Variants in EMSY observed in about 807,000 individuals in gnomAD.
EMSY encodes the protein EMSY transcriptional repressor, BRCA2 interacting, also known as BRCA2-interacting transcriptional repressor EMSY.
EMSY carries 26 observed loss-of-function variants against 134.6 expected under a neutral mutation model. That is an observed-to-expected ratio of 0.19 (90% confidence interval 0.14 to 0.27). EMSY has a LOEUF of 0.27. Among genes scored for constraint, EMSY ranks in the 10% least tolerant of loss-of-function variants. The pLI, the probability that EMSY is intolerant of heterozygous loss-of-function variation, is 1.00. For missense variants in EMSY, 1,305 were observed against 1,611.4 expected, an observed-to-expected ratio of 0.81 and a Z score of 3.26; for synonymous variants, 579 against 577.8, an observed-to-expected ratio of 1.00 and a Z score of -0.03.
chr11:76,525,553 A>T (rs1444277545), intron 12 of EMSY, among the ~76,000 whole-genome samples: 1 of 152,190 alleles, frequency 6.6e-6, no homozygotes, highest in Non-Finnish European at 1.5e-5. Context: ...AATTTTAAAA[A>T]TTTTAATAAT....
chr11:76,536,261 G>T (rs1370717966), intron 15 of EMSY, among the ~76,000 whole-genome samples: 1 of 152,000 alleles, frequency 6.6e-6, no homozygotes, highest in Non-Finnish European at 1.5e-5. Flanking sequence ...ATGTGCACAG[G>T]AATATTGAAG....
intron 16 of EMSY, 48 bp downstream of exon 17, chr11:76,537,998 C>G: frequency 6.9e-7 from 1 of 1,450,742 alleles, no homozygotes; most frequent in Non-Finnish European, 9.4e-7. Context: ...AACTACCTTC[C>G]TGGATTTCAT....
At chr11:76,490,549 A>G (rs1019411146) in intron 8 of EMSY, among the ~76,000 whole-genome samples, 10 of 152,202 alleles carry the variant, frequency 6.6e-5, no homozygotes, top group African/African-American at 2.2e-4. Context: ...TTGTGTTAGA[A>G]TCTTAAAAGA....
chr11:76,446,349 G>GTATA (rs10636663), intron 1 of EMSY, among the ~76,000 whole-genome samples: 2,261 of 130,308 alleles, frequency 0.017, 60 homozygotes, highest in African/African-American at 0.054. Flanking sequence ...ATATATATGT[G>GTATA]TATATATATA....
intron 18 of EMSY, among the ~76,000 whole-genome samples, chr11:76,543,998 G>A (rs1262416311): frequency 6.6e-6 from 1 of 152,146 alleles, no homozygotes; most frequent in South Asian, 2.1e-4. Flanking sequence ...TGCTTGCAGG[G>A]CCATCTTATT....
chr11:76,531,203 A>AT (rs2136430808), intron 14 of EMSY, among the ~76,000 whole-genome samples: 1 of 152,296 alleles, frequency 6.6e-6, no homozygotes, highest in African/African-American at 2.4e-5. Context: ...AGATACAGTT[A>AT]TCAAAGTCAA....
chr11:76,509,745 T>C (rs1351882900), intron 9 of EMSY, among the ~76,000 whole-genome samples: 1 of 152,228 alleles, frequency 6.6e-6, no homozygotes. Flanking sequence ...ATATTTAAAT[T>C]TTCTTGTATT....
At chr11:76,489,630 A>T (rs1949338390) in intron 8 of EMSY, among the ~76,000 whole-genome samples, 1 of 136,100 alleles carries the variant, frequency 7.3e-6, no homozygotes, top group African/African-American at 2.8e-5. Flanking sequence ...TTTGAGATGG[A>T]GTCTTGCTCT....
intron 2 of EMSY, among the ~76,000 whole-genome samples, chr11:76,450,998 T>C (rs375900072): frequency 6.6e-6 from 1 of 152,000 alleles, no homozygotes; most frequent in Admixed American, 6.5e-5. Context: ...AGTTTTGCCA[T>C]GTTGCCCAGA....
chr11:76,453,064 A>G (rs1461326974), intron 3 of EMSY, among the ~76,000 whole-genome samples: 1 of 152,206 alleles, frequency 6.6e-6, no homozygotes, highest in Non-Finnish European at 1.5e-5. Flanking sequence ...CCTTGATATC[A>G]GGCTGAATTT....
At chr11:76,549,994 G>A (rs1001125883) in exon 21 of EMSY, 2 of 1,613,360 alleles carry the variant, frequency 1.2e-6, no homozygotes, top group Admixed American at 3.3e-5. Flanking sequence ...CAGCTCCAAT[G>A]TGGTGGTGGA....
chr11:76,550,079 A>G, exon 21 of EMSY: 1 of 1,613,916 alleles, frequency 6.2e-7, no homozygotes, highest in Non-Finnish European at 8.5e-7. Context: ...ATGGAGCAGG[A>G]CATAGACAGT....
intron 7 of EMSY, among the ~76,000 whole-genome samples, chr11:76,468,328 C>A (rs533440583): frequency 1.3e-5 from 2 of 152,010 alleles, no homozygotes; most frequent in African/African-American, 4.8e-5. Flanking sequence ...TTAAAAAAAA[C>A]AAATGTTTAA....
intron 8 of EMSY, among the ~76,000 whole-genome samples, chr11:76,492,718 G>T (rs894047747): frequency 6.6e-6 from 1 of 152,146 alleles, no homozygotes; most frequent in Non-Finnish European, 1.5e-5. Context: ...AGTTGGCAGG[G>T]CAGGAGCCCC....
At chr11:76,506,338 A>C (rs959837227) in intron 9 of EMSY, among the ~76,000 whole-genome samples, 2 of 152,220 alleles carry the variant, frequency 1.3e-5, no homozygotes, top group African/African-American at 4.8e-5. Context: ...AAATACAAAA[A>C]TTATAAACTG....
chr11:76,493,549 T>G (rs1168070044), intron 8 of EMSY, among the ~76,000 whole-genome samples: 1 of 152,042 alleles, frequency 6.6e-6, no homozygotes, highest in African/African-American at 2.4e-5. Context: ...AGCATGCACT[T>G]TCTCCCTTCT....
intron 14 of EMSY, among the ~76,000 whole-genome samples, chr11:76,533,352 G>T (rs993153135): frequency 2.6e-5 from 4 of 152,106 alleles, no homozygotes; most frequent in African/African-American, 9.7e-5. Flanking sequence ...ATTGGTCTTT[G>T]TGGATACAGG....
intron 8 of EMSY, among the ~76,000 whole-genome samples, chr11:76,488,949 C>T (rs563095031): frequency 6.6e-6 from 1 of 152,322 alleles, no homozygotes; most frequent in South Asian, 2.1e-4. Flanking sequence ...TCCTAGAAGT[C>T]TTCCATGAGA....
chr11:76,478,297 ACTTT>A (rs777331385), intron 8 of EMSY, among the ~76,000 whole-genome samples: 3 of 151,656 alleles, frequency 2.0e-5, no homozygotes, highest in Non-Finnish European at 4.4e-5. Context: ...CCACAATAGC[ACTTT>A]CTATTTTCTA....
Sources: gnomAD v4.1 joint callset for allele counts (sites outside exome capture counted in the v4.1 genomes callset) on GRCh38, gnomAD v4.1.1 for gene constraint, MANE v1.5 for transcripts, NCBI Gene and HGNC (gene_info 2026-07-23, HGNC 2026-07-21) for gene names.